Variants in MYBPC3 observed in about 807,000 individuals in gnomAD.
MYBPC3 encodes myosin-binding protein C, cardiac-type.
Under a neutral mutation model 159.3 loss-of-function variants are expected in MYBPC3, and 108 were observed. The observed-to-expected ratio is 0.68, with a 90% CI of 0.58 to 0.80. The LOEUF (loss-of-function observed/expected upper bound fraction) is 0.80, where lower values mean the gene tolerates loss of function less well. Ranked by LOEUF, MYBPC3 falls within the 30% of genes least tolerant of loss-of-function variation. MYBPC3 has a pLI of 0.00. For missense variants in MYBPC3, 1,631 were observed against 1,762.1 expected, an observed-to-expected ratio of 0.93 and a Z score of 1.33; for synonymous variants, 730 against 702.0, an observed-to-expected ratio of 1.04 and a Z score of -0.63.
rs760244220 is a variant in MYBPC3, at chr11:47,346,997, G to A, written c.908+30C>T. On this transcript the variant is annotated intron_variant, in intron 10 of 34. Transcript: ENST00000545968. The surrounding 1 kb of genome is among the most constrained non-coding windows in gnomAD (Gnocchi z 5.3). ...CCTCTGCACCCACCAGCGCCCTGCCGCCCCCAAACACCCAGACCCCGATTC... is the reference window on the plus strand; with the variant it reads ...CCTCTGCACCCACCAGCGCCCTGCCACCCCCAAACACCCAGACCCCGATTC... 34 of 775,424 alleles carry A rather than the reference G, an allele frequency of 4.4e-5. No individual in the cohort carries two copies. Among genetic ancestry groups the A allele is most frequent in the East Asian group, 2.2e-4 (9 of 41,284 alleles). The allele number at this position is 775,424 out of a possible 1,614,324, so 48.0% of individuals were successfully genotyped here. A position where few individuals can be genotyped will look rare whatever the true frequency, so the allele number is the denominator to read the frequency against.
In MYBPC3 at chr11:47,339,822, G is replaced by A. The variant is rs374311828; in HGVS notation, c.1928-32C>T. The A allele has an allele frequency of 5.9e-5, 94 of 1,603,794 alleles. No homozygotes were observed. The African/African-American group carries it at 1.0e-3, about 18-fold the overall frequency. The stretch of plus-strand genomic sequence containing the variant: ...AAGACACAATGTAGTTCAGAGAAAC[G>A]GGAGAGCCAGGAGGAGCACAGGTCA... On this transcript the variant is annotated intron_variant, in intron 20 of 34. Transcript: ENST00000545968.
intron 13 of MYBPC3, 79 bp from the exon 14 acceptor site, chr11:47,343,341 C>A: frequency 6.7e-7 from 1 of 1,495,918 alleles, no homozygotes; most frequent in Non-Finnish European, 8.9e-7. Context: ...GAGAGAGGGA[C>A]CGGCAGGAGC....
intron 27 of MYBPC3, among the ~76,000 whole-genome samples, chr11:47,334,565 C>CTT (rs201598879): frequency 4.1e-5 from 6 of 145,990 alleles, no homozygotes; most frequent in Admixed American, 6.9e-5. Flanking sequence ...CCTTTCTGCA[C>CTT]TTTTTTTTTT....
chr11:47,351,179 T>G lies in MYBPC3; in HGVS notation c.292+60A>C. ...TCCTGTTCCCTGGATGGATGGAGAGTCGCTGGGCTGCCCCTCCCCCAGCAG... is the reference window on the plus strand; with the variant it reads ...TCCTGTTCCCTGGATGGATGGAGAGGCGCTGGGCTGCCCCTCCCCCAGCAG... On this transcript the variant is annotated intron_variant, in intron 2 of 34. Coordinates refer to ENST00000545968, the MANE Select transcript of MYBPC3 (RefSeq NM_000256.3). The surrounding 1 kb of genome is among the most constrained non-coding windows in gnomAD (Gnocchi z 4.2). The G allele has an allele frequency of 6.9e-7, 1 of 1,442,816 alleles. No homozygotes were observed. The highest frequency in any genetic ancestry group is 2.6e-5 in the East Asian group (1 of 39,076). The allele number at this position is 1,442,816 out of a possible 1,614,324, so 89.4% of individuals were successfully genotyped here.
intron 14 of MYBPC3, 37 bp downstream of exon 14, chr11:47,343,223 G>A: frequency 1.9e-6 from 3 of 1,577,276 alleles, no homozygotes; most frequent in African/African-American, 1.3e-5. Context: ...GATAATCCCT[G>A]TGCCCCCCAC....
At chr11:47,352,486 G>A (rs542758615) in intron 1 of MYBPC3, 137 bp downstream of exon 1, 3 of 1,095,062 alleles carry the variant, frequency 2.7e-6, no homozygotes, top group Admixed American at 5.5e-5. Context: ...GGACCCTGGA[G>A]GACTGGCTGC....
At position 47,332,966 on chromosome 11, in the gene MYBPC3, A is replaced by AACC. The variant is rs730880673; in HGVS notation, c.3335_3337dup (p.Trp1112dup). On this transcript the variant is annotated inframe_insertion, in exon 31 of 35. Transcript: ENST00000545968. The surrounding 1 kb of genome is among the most constrained non-coding windows in gnomAD (Gnocchi z 4.2). The stretch of plus-strand genomic sequence containing the variant: ...GCGGCGGTAATGCTCCAAGACGGTG[A>AACC]ACCACTCCTGGGGGCAGGGAGGGAG... The AACC allele has an allele frequency of 5.0e-6, 8 of 1,609,792 alleles. No homozygotes were observed. Among genetic ancestry groups the AACC allele is most frequent in the South Asian group, 1.1e-5 (1 of 90,086 alleles).
At position 47,338,610 on chromosome 11, in the gene MYBPC3, C is replaced by A; in HGVS notation, c.2218G>T (p.Gly740Trp). The A allele has an allele frequency of 6.2e-7, 1 of 1,613,996 alleles. No homozygotes were observed. The highest frequency in any genetic ancestry group is 8.5e-7 in the Non-Finnish European group (1 of 1,179,898). ...TKDRSIFTVE[G>W]AEKEDEGVYT... ...ACGCCCTCATCTTCCTTCTCTGCCC[C>A]CTCGACCGTGAAGATGCTGCGGTCC... The change falls in exon 23 of 35, where the codon GGG becomes TGG. Residue 740 changes from glycine (G) to tryptophan (W), a missense_variant. Transcript: ENST00000545968. This position sits in a 1 kb window ranked among gnomAD's most constrained non-coding sequence, Gnocchi z 4.7.
chr11:47,332,076 C>T lies in MYBPC3; in HGVS notation c.3810G>A (p.Val1270=), dbSNP rs1255638075. Residue 1270 remains valine (V), a synonymous_variant, in exon 33 of 35, where the codon GTG becomes GTA. Transcript: ENST00000545968. The surrounding 1 kb of genome is among the most constrained non-coding windows in gnomAD (Gnocchi z 4.2). ...CTGGCCCCGAGGGCTCCTCACCTCG[C>T]ACCTCCAGGCGGCACTCACACCGTG... The part of the protein sequence containing the change: ...GEARCECRLE[V]RVPQ 8.1e-6 allele frequency: 13 copies of T among 1,608,054 alleles called. No homozygotes were observed. In the East Asian group the frequency reaches 1.3e-4, roughly 17 times the overall value.
intron 12 of MYBPC3, among the ~76,000 whole-genome samples, chr11:47,345,518 C>A (rs1476304358): frequency 6.6e-6 from 1 of 152,106 alleles, no homozygotes; most frequent in African/African-American, 2.4e-5. Context: ...TCCATTCAGT[C>A]GGTGTTTATA....
Position 47,350,052 on chromosome 11 carries a change from A to G in MYBPC3, c.467T>C (p.Leu156Pro), listed in dbSNP as rs730880616. The change falls in exon 4 of 35, where the codon CTC becomes CCC. Residue 156 changes from leucine (L) to proline (P), a missense_variant. Transcript: ENST00000545968. ...TPGAPDDPIG[L>P]FVMRPQDGEV... ...GCCATCCTGTGGCCGCATCACGAAG[A>G]GGCCAATGGGGTCATCGGGGGCTCC... The G allele has an allele frequency of 4.5e-6, 7 of 1,564,492 alleles. No homozygotes were observed. Among genetic ancestry groups the G allele is most frequent in the Non-Finnish European group, 6.1e-6 (7 of 1,154,212 alleles).
At chr11:47,343,660 C>A (rs2142862386) in intron 12 of MYBPC3, 36 bp from the exon 13 acceptor site, 1 of 1,560,010 alleles carries the variant, frequency 6.4e-7, no homozygotes, top group Non-Finnish European at 8.7e-7. Context: ...CACCCCACCG[C>A]CCGCACCCTG....
At chr11:47,350,421 T>TGGCC (rs2095899493) in intron 3 of MYBPC3, 81 bp downstream of exon 3, 2 of 1,522,818 alleles carry the variant, frequency 1.3e-6, no homozygotes, top group Non-Finnish European at 1.8e-6. Context: ...CCACCGCACC[T>TGGCC]GGCCCAGCAA....
chr11:47,338,413 A>G lies in MYBPC3; in HGVS notation c.2308+107T>C. Reference sequence around the variant, plus strand: ...AACCTGTCCTGTTGCCGCTCGGCTCAGGGAGCATGCCCGTGATGTTTGTCG... The same window carrying G: ...AACCTGTCCTGTTGCCGCTCGGCTCGGGGAGCATGCCCGTGATGTTTGTCG... On this transcript the variant is annotated intron_variant, in intron 23 of 34. Transcript: ENST00000545968. This position sits in a 1 kb window ranked among gnomAD's most constrained non-coding sequence, Gnocchi z 4.7. 2 of 1,515,498 alleles carry G rather than the reference A, an allele frequency of 1.3e-6. No homozygotes were observed. Among genetic ancestry groups the G allele is most frequent in the Non-Finnish European group, 1.8e-6 (2 of 1,114,534 alleles). 93.9% of individuals were successfully genotyped at this position (1,515,498 alleles called of 1,614,324 possible).
chr11:47,349,956 G>C, intron 4 of MYBPC3, 34 bp from the exon 5 acceptor site: 1 of 1,572,670 alleles, frequency 6.4e-7, no homozygotes, highest in Admixed American at 1.9e-5. Flanking sequence ...CCGGCTTGGG[G>C]AGTGTCCTGC....
At position 47,338,845 on chromosome 11, in the gene MYBPC3, A is replaced by AG. The variant is rs1305092180; in HGVS notation, c.2149-167dup. ...AAAATCATCTCTGTGGCACCGACTG[A>AG]GGGCAGGGGCTCGGGTTCTAGCTTT... On this transcript the variant is annotated intron_variant, in intron 22 of 34. Coordinates refer to ENST00000545968, the MANE Select transcript of MYBPC3 (RefSeq NM_000256.3). The surrounding 1 kb of genome is among the most constrained non-coding windows in gnomAD (Gnocchi z 4.7). Among the ~76,000 whole-genome samples, 9 of 152,132 alleles carry AG rather than the reference A, an allele frequency of 5.9e-5. No homozygotes were observed. The highest frequency in any genetic ancestry group is 5.2e-4 in the Admixed American group (8 of 15,276).
rs397515981 is a variant in MYBPC3 at position 47,335,960 on chromosome 11, G to A, written c.2654C>T (p.Thr885Met). The part of the protein sequence containing the change: ...HLAVEDVSDT[T>M]VSLKWRPPER... ...TGGGGGCCGCCACTTGAGGGAGACC[G>A]TGGTGTCAGAGACGTCCTCTACTGC... Residue 885 changes from threonine (T) to methionine (M), a missense_variant, in exon 26 of 35, where the codon ACG becomes ATG. Physicochemically the swap from Thr to Met is moderately conservative, Grantham distance 81. Coordinates refer to ENST00000545968, the MANE Select transcript of MYBPC3 (RefSeq NM_000256.3). 40 of 1,564,538 alleles carry A rather than the reference G, an allele frequency of 2.6e-5. No homozygotes were observed. The highest frequency in any genetic ancestry group is 3.3e-5 in the Non-Finnish European group (38 of 1,156,632).
Position 47,348,417 on chromosome 11 carries a change from C to A in MYBPC3, c.772+7G>T, listed in dbSNP as rs1345968766. 1 of 1,596,258 alleles carries A rather than the reference C, an allele frequency of 6.3e-7. No individual in the cohort carries two copies. The highest frequency in any genetic ancestry group is 1.7e-4 in the Middle Eastern group (1 of 6,036). ...CGAGCCCAGGACAGACACCAGGGCC[C>A]CCTCACCGTGGACAGTGAGATTGAA... is the stretch of plus-strand genomic sequence containing the variant. On this transcript the variant is annotated splice_region_variant and intron_variant, in intron 6 of 34. Transcript: ENST00000545968.
chr11:47,332,716 G>T lies in MYBPC3; in HGVS notation c.3491-14C>A, dbSNP rs1380147625. ...CATAGGTGATGCCTGTTGGTGACAG[G>T]ACTTGGTACCGAGAGGGCCACACAA... On this transcript the variant is annotated splice_polypyrimidine_tract_variant and intron_variant, in intron 31 of 34. Coordinates refer to ENST00000545968, the MANE Select transcript of MYBPC3 (RefSeq NM_000256.3). The surrounding 1 kb of genome is among the most constrained non-coding windows in gnomAD (Gnocchi z 4.2). The T allele has an allele frequency of 6.9e-6, 11 of 1,601,394 alleles. No individual in the cohort carries two copies. The highest frequency in any genetic ancestry group is 1.3e-5 in the African/African-American group (1 of 74,756).
Sources: gnomAD v4.1 joint callset for allele counts (sites outside exome capture counted in the v4.1 genomes callset) on GRCh38, gnomAD v4.1.1 for gene constraint, Gnocchi (gnomAD v3.1) non-coding constraint, MANE v1.5 for transcripts, NCBI Gene and HGNC (gene_info 2026-07-23, HGNC 2026-07-21) for gene names.